MAP3K6: variants seen among roughly 807,000 people sequenced by gnomAD.
MAP3K6 encodes the protein apoptosis signal-regulating kinase 2.
MAP3K6 carries 105 observed loss-of-function variants against 147.1 expected under a neutral mutation model. The observed-to-expected ratio is 0.71, with a 90% CI of 0.61 to 0.84. The LOEUF is 0.84. Ranked by LOEUF, MAP3K6 falls within the 40% of genes least tolerant of loss-of-function variation. The pLI is 0.00. For missense variants in MAP3K6, 1,569 were observed against 1,715.0 expected (o/e 0.91, Z 1.50); for synonymous variants, 695 against 732.4 (o/e 0.95, Z 0.82).
intron 1 of MAP3K6, among the ~76,000 whole-genome samples, chr1:27,365,222 G>C (rs74061776): frequency 0.012 from 1,834 of 152,260 alleles, 39 homozygotes; most frequent in African/African-American, 0.041. Context: ...TTAGGAGGTG[G>C]GAGTTGCGCA....
In MAP3K6 at chr1:27,361,186, C is replaced by T; in HGVS notation, c.1803G>A (p.Leu601=). The part of the protein sequence containing the change: ...YALPPAQDVQ[L]CFPSVGHCQW... ...GGCAGTGCCCTACGCTGGGGAAGCACAGCTGGACGTCCTGAGCCGGGGGGA... is the reference window on the plus strand; with the variant it reads ...GGCAGTGCCCTACGCTGGGGAAGCATAGCTGGACGTCCTGAGCCGGGGGGA... The change falls in exon 13 of 29, where the codon CTG becomes CTA. Residue 601 remains leucine (L), a synonymous_variant. Coordinates refer to ENST00000357582, the MANE Select transcript of MAP3K6 (RefSeq NM_004672.5). 1 of 1,612,496 alleles carries T rather than the reference C, an allele frequency of 6.2e-7. No homozygotes were observed. The highest frequency in any genetic ancestry group is 2.2e-5 in the East Asian group (1 of 44,848).
At position 27,363,956 on chromosome 1, in the gene MAP3K6, G is replaced by A; in HGVS notation, c.825C>T (p.Asp275=). The A allele has an allele frequency of 6.2e-7, 1 of 1,608,128 alleles. No homozygotes were observed. The highest frequency in any genetic ancestry group is 8.5e-7 in the Non-Finnish European group (1 of 1,179,060). The change falls in exon 5 of 29, where the codon GAC becomes GAT. Residue 275 remains aspartate, a synonymous_variant. Coordinates refer to ENST00000357582, the MANE Select transcript of MAP3K6 (RefSeq NM_004672.5). Reference sequence around the variant, plus strand: ...AGGAGAGCAGCAAGTTCATGATGATGTCGGGGCTCAGCAGCTCCACGCTGT... The same window carrying A: ...AGGAGAGCAGCAAGTTCATGATGATATCGGGGCTCAGCAGCTCCACGCTGT... ...RLDSVELLSP[D]IIMNLLLSYR...
chr1:27,358,367 G>C lies in MAP3K6; in HGVS notation c.2777-48C>G, dbSNP rs947122184. ...AGCTGGGCTCTCCTCCACCCTCACA[G>C]CTCCACAACTCCTCTGCCCTCCACT... On this transcript the variant is annotated intron_variant, in intron 20 of 28. Coordinates refer to ENST00000357582, the MANE Select transcript of MAP3K6 (RefSeq NM_004672.5). The surrounding 1 kb of genome is among the most constrained non-coding windows in gnomAD (Gnocchi z 6.2). 3.1e-6 allele frequency: 5 copies of C among 1,589,670 alleles called. No homozygotes were observed. The African/African-American group carries it at 6.8e-5, about 22-fold the overall frequency.
In MAP3K6 at chr1:27,358,035, A is replaced by G. The variant is rs1273627070; in HGVS notation, c.2915+146T>C. On this transcript the variant is annotated intron_variant, in intron 21 of 28. Transcript: ENST00000357582. This position sits in a 1 kb window ranked among gnomAD's most constrained non-coding sequence, Gnocchi z 6.2. The stretch of plus-strand genomic sequence containing the variant: ...AGAGGACACAACAAGTCCAAGTTAG[A>G]GTTGCCAGAACAGGGCATGGGGAGG... 23 of 1,490,500 alleles carry G rather than the reference A, an allele frequency of 1.5e-5. No homozygotes were observed. The highest frequency in any genetic ancestry group is 1.9e-5 in the Non-Finnish European group (21 of 1,120,886). The allele number at this position is 1,490,500 out of a possible 1,614,324, so 92.3% of individuals were successfully genotyped here.
At chr1:27,356,364 G>A (rs1203619524) in intron 26 of MAP3K6, 24 bp downstream of exon 26, 5 of 1,575,284 alleles carry the variant, frequency 3.2e-6, no homozygotes, top group Non-Finnish European at 4.3e-6. Flanking sequence ...CACCAATAAT[G>A]TTCTCCAGCC....
chr1:27,364,898 C>T lies in MAP3K6; in HGVS notation c.355G>A (p.Glu119Lys), dbSNP rs1021301044. 1.3e-6 allele frequency: 2 copies of T among 1,592,296 alleles called. No individual in the cohort carries two copies. Among genetic ancestry groups the T allele is most frequent in the Non-Finnish European group, 1.7e-6 (2 of 1,165,602 alleles). The change falls in exon 2 of 29, where the codon GAG (glutamate) becomes AAG (lysine). Residue 119 changes from glutamate (E) to lysine (K), a missense_variant. Transcript: ENST00000357582. This position sits in a 1 kb window ranked among gnomAD's most constrained non-coding sequence, Gnocchi z 4.4. ...GGCTGTACCAGCGAGCTGCTCACCT[C>T]CAGCACCACCACATCTGCAGGCACA... Reference protein sequence around the residue: ...AFYNADVVVLEVSSSLVQPSL... With the variant: ...AFYNADVVVLKVSSSLVQPSL...
At chr1:27,357,168 G>A (rs1046435859) in intron 23 of MAP3K6, 54 bp from the exon 24 acceptor site, 20 of 1,525,452 alleles carry the variant, frequency 1.3e-5, no homozygotes, top group African/African-American at 1.1e-4. Flanking sequence ...TAGAGGCAGG[G>A]CTTGAGTTGG....
chr1:27,360,583 C>T lies in MAP3K6; in HGVS notation c.2054+122G>A, dbSNP rs2015711774. ...GCCCACGGGCCCAGTCCACAGGGCT[C>T]GAACTCTCAGGTCCTACGAGCCCGC... is the stretch of plus-strand genomic sequence containing the variant. On this transcript the variant is annotated intron_variant, in intron 15 of 28. Transcript: ENST00000357582. The surrounding 1 kb of genome is among the most constrained non-coding windows in gnomAD (Gnocchi z 4.5). 1 of 1,445,436 alleles carries T rather than the reference C, an allele frequency of 6.9e-7. No individual in the cohort carries two copies. Among genetic ancestry groups the T allele is most frequent in the African/African-American group, 1.4e-5 (1 of 70,762 alleles). 89.5% of individuals were successfully genotyped at this position (1,445,436 alleles called of 1,614,324 possible).
At position 27,366,153 on chromosome 1, in the gene MAP3K6, C is replaced by T. The variant is rs1446541125; in HGVS notation, c.340+105G>A. On this transcript the variant is annotated intron_variant, in intron 1 of 28. Transcript: ENST00000357582. This position sits in a 1 kb window ranked among gnomAD's most constrained non-coding sequence, Gnocchi z 5.5. The stretch of plus-strand genomic sequence containing the variant: ...TTTAGCTCACTTTAAGTCCCCTAGA[C>T]CCGGTACCCCTCTCGGCCCCTCCCT... The T allele has an allele frequency of 3.4e-6, 4 of 1,160,014 alleles. No individual in the cohort carries two copies. Among genetic ancestry groups the T allele is most frequent in the South Asian group, 3.6e-5 (1 of 27,968 alleles). The allele number at this position is 1,160,014 out of a possible 1,614,324, so 71.9% of individuals were successfully genotyped here.
chr1:27,356,070 G>C lies in MAP3K6; in HGVS notation c.3667C>G (p.Gln1223Glu). ...TCCACATTCAGTTCCTGTAGCCACT[G>C]CACCAGGCCCTGGTCCGTTGAAAGA... Reference protein sequence around the residue: ...TALSTDQGLVQWLQELNVDSG... With the variant: ...TALSTDQGLVEWLQELNVDSG... Residue 1223 changes from glutamine (Q) to glutamate (E), a missense_variant, in exon 27 of 29, where the codon CAG becomes GAG. By Grantham distance (29) the Gln-to-Glu change is conservative. Coordinates refer to ENST00000357582, the MANE Select transcript of MAP3K6 (RefSeq NM_004672.5). The C allele has an allele frequency of 6.2e-7, 1 of 1,614,076 alleles. No individual in the cohort carries two copies. Among genetic ancestry groups the C allele is most frequent in the South Asian group, 1.1e-5 (1 of 91,090 alleles).
Position 27,357,764 on chromosome 1 carries a change from G to T in MAP3K6, c.3028C>A (p.Gln1010Lys), listed in dbSNP as rs768099264. The part of the protein sequence containing the change: ...RRAMLAAVLE[Q>K]ELPALAENLH... ...TTCTCCGCCAGCGCTGGCAGCTCCT[G>T]CTCCAATACTGCGGCCAGCATGGCC... Residue 1010 changes from glutamine (Q) to lysine (K), a missense_variant, in exon 22 of 29, where the codon CAG (glutamine) becomes AAG (lysine). Coordinates refer to ENST00000357582, the MANE Select transcript of MAP3K6 (RefSeq NM_004672.5). 6.2e-7 allele frequency: 1 copy of T among 1,611,464 alleles called. No homozygotes were observed. The highest frequency in any genetic ancestry group is 8.5e-7 in the Non-Finnish European group (1 of 1,179,666).
At chr1:27,357,625 C>G in intron 22 of MAP3K6, 49 bp from the exon 23 acceptor site, 1 of 1,589,820 alleles carries the variant, frequency 6.3e-7, no homozygotes, top group East Asian at 2.2e-5. Flanking sequence ...CCAAAAGAGA[C>G]GCTGCCGCGG....
chr1:27,360,074 C>T lies in MAP3K6; in HGVS notation c.2183-80G>A. ...CTCTCTGCTCAAGGCCCAGACACACCCATGTTGTAGCCCAACTCCATCACC... is the reference window on the plus strand; with the variant it reads ...CTCTCTGCTCAAGGCCCAGACACACTCATGTTGTAGCCCAACTCCATCACC... On this transcript the variant is annotated intron_variant, in intron 16 of 28. Coordinates refer to ENST00000357582, the MANE Select transcript of MAP3K6 (RefSeq NM_004672.5). This position sits in a 1 kb window ranked among gnomAD's most constrained non-coding sequence, Gnocchi z 4.5. 2 of 1,596,284 alleles carry T rather than the reference C, an allele frequency of 1.3e-6. No individual in the cohort carries two copies. Among genetic ancestry groups the T allele is most frequent in the South Asian group, 2.2e-5 (2 of 89,816 alleles).
chr1:27,360,441 G>C lies in MAP3K6; in HGVS notation c.2055-73C>G. The C allele has an allele frequency of 6.6e-7, 1 of 1,513,722 alleles. No homozygotes were observed. Among genetic ancestry groups the C allele is most frequent in the Admixed American group, 2.0e-5 (1 of 49,516 alleles). 93.8% of individuals were successfully genotyped at this position (1,513,722 alleles called of 1,614,324 possible). A position where few individuals can be genotyped will look rare whatever the true frequency, so the allele number is the denominator to read the frequency against. On this transcript the variant is annotated intron_variant, in intron 15 of 28. Coordinates refer to ENST00000357582, the MANE Select transcript of MAP3K6 (RefSeq NM_004672.5). This position sits in a 1 kb window ranked among gnomAD's most constrained non-coding sequence, Gnocchi z 4.5. ...AGCCCCGCCCATCCCACGCCAGCCT[G>C]GCCCCGCCCCAAGGACCCGCCCCGC... is the stretch of plus-strand genomic sequence containing the variant.
intron 5 of MAP3K6, among the ~76,000 whole-genome samples, 162 bp downstream of exon 5, chr1:27,363,755 C>T (rs538903454): frequency 2.6e-5 from 4 of 152,228 alleles, no homozygotes; most frequent in African/African-American, 7.2e-5. Context: ...CAGGAGGCAG[C>T]GACATGCTCA....
At position 27,358,100 on chromosome 1, in the gene MAP3K6, T is replaced by G. The variant is rs1413430245; in HGVS notation, c.2915+81A>C. ...TTCACAAGTGGTCAAGGTGCCCAGG[T>G]CCCCAGGGAGGGCTTTTGTAGGAGA... is the stretch of plus-strand genomic sequence containing the variant. On this transcript the variant is annotated intron_variant, in intron 21 of 28. Transcript: ENST00000357582. The surrounding 1 kb of genome is among the most constrained non-coding windows in gnomAD (Gnocchi z 6.2). 2.0e-6 allele frequency: 3 copies of G among 1,518,092 alleles called. No homozygotes were observed. The East Asian group carries it at 6.9e-5, about 35-fold the overall frequency. 94.0% of individuals were successfully genotyped at this position (1,518,092 alleles called of 1,614,324 possible). A position where few individuals can be genotyped will look rare whatever the true frequency, so the allele number is the denominator to read the frequency against.
At position 27,362,407 on chromosome 1, in the gene MAP3K6, A is replaced by G. The variant is rs547156192; in HGVS notation, c.1256-157T>C. Among the ~76,000 whole-genome samples, 10 of 152,240 alleles carry G rather than the reference A, an allele frequency of 6.6e-5. No individual in the cohort carries two copies. The South Asian group carries it at 2.1e-3, about 32-fold the overall frequency. ...GGAACAGGAGCTCAGGCACAGGTAT[A>G]TGTGGAATTCAGGATGTAATGGACA... On this transcript the variant is annotated intron_variant, in intron 8 of 28. Coordinates refer to ENST00000357582, the MANE Select transcript of MAP3K6 (RefSeq NM_004672.5).
Position 27,356,102 on chromosome 1 carries a change from G to A in MAP3K6, c.3638-3C>T. ...GCCCTGGTCCGTTGAAAGAGCAGCTGTCAAGAAGCAGTCAGGTGATGAGCC... is the reference window on the plus strand; with the variant it reads ...GCCCTGGTCCGTTGAAAGAGCAGCTATCAAGAAGCAGTCAGGTGATGAGCC... On this transcript the variant is annotated splice_polypyrimidine_tract_variant and splice_region_variant and intron_variant, in intron 26 of 28. Coordinates refer to ENST00000357582, the MANE Select transcript of MAP3K6 (RefSeq NM_004672.5). 1.2e-6 allele frequency: 2 copies of A among 1,613,922 alleles called. No individual in the cohort carries two copies. Among genetic ancestry groups the A allele is most frequent in the Non-Finnish European group, 1.7e-6 (2 of 1,179,792 alleles).
chr1:27,364,276 C>A lies in MAP3K6; in HGVS notation c.623G>T (p.Gly208Val). Residue 208 changes from glycine (G) to valine (V), a missense_variant, in exon 4 of 29, where the codon GGG becomes GTG. Coordinates refer to ENST00000357582, the MANE Select transcript of MAP3K6 (RefSeq NM_004672.5). This position sits in a 1 kb window ranked among gnomAD's most constrained non-coding sequence, Gnocchi z 4.4. ...CAGGGGAGTGAGCAGGGCCTCGGTC[C>A]CCACTCCAGCCTGTACCAGCCCATC... ...LADGLVQAGV[G>V]TEALLTPLVG... The A allele has an allele frequency of 6.2e-7, 1 of 1,613,790 alleles. No homozygotes were observed. The highest frequency in any genetic ancestry group is 2.2e-5 in the East Asian group (1 of 44,886).
Sources: gnomAD v4.1 joint callset for allele counts (sites outside exome capture counted in the v4.1 genomes callset) on GRCh38, gnomAD v4.1.1 for gene constraint, Gnocchi (gnomAD v3.1) non-coding constraint, MANE v1.5 for transcripts, NCBI Gene and HGNC (gene_info 2026-07-23, HGNC 2026-07-21) for gene names.